ZNF804B: variants seen among roughly 807,000 people sequenced by gnomAD.
ZNF804B encodes zinc finger 804B.
A neutral mutation model predicts 101.4 loss-of-function variants in ZNF804B; 80 were observed. The ratio of observed to expected loss-of-function variants is 0.79; its 90% CI spans 0.66 to 0.95. The LOEUF (loss-of-function observed/expected upper bound fraction) is 0.95. ZNF804B is among the 40% of genes least tolerant of loss of function. The pLI is 0.00. For synonymous variants in ZNF804B, 622 were observed against 558.8 expected (o/e 1.11, Z -1.59); for missense variants, 1,673 against 1,561.9 (o/e 1.07, Z -1.20).
chr7:89,041,559 A>G (rs530625526), intron 1 of ZNF804B, among the ~76,000 whole-genome samples: 1 of 152,260 alleles, frequency 6.6e-6, no homozygotes, highest in Non-Finnish European at 1.5e-5. Context: ...GTCTTTAAGG[A>G]CTGGCCTGGC....
intron 1 of ZNF804B, among the ~76,000 whole-genome samples, chr7:89,099,087 C>T (rs1198290077): frequency 8.6e-6 from 1 of 116,532 alleles, no homozygotes; most frequent in Non-Finnish European, 1.6e-5. Flanking sequence ...AACATATATT[C>T]ACACACACAC....
chr7:89,319,984 A>G (rs1055445347), intron 2 of ZNF804B, among the ~76,000 whole-genome samples: 5 of 151,968 alleles, frequency 3.3e-5, no homozygotes, highest in African/African-American at 1.2e-4. Context: ...TTTGGCACAT[A>G]TAAGTCAAGA....
chr7:89,298,157 A>G (rs1401046143), intron 2 of ZNF804B, among the ~76,000 whole-genome samples: 3 of 135,374 alleles, frequency 2.2e-5, no homozygotes, highest in Non-Finnish European at 4.7e-5. Flanking sequence ...TATATAGTAT[A>G]TATATATATT....
chr7:89,153,429 GATAATA>G (rs58654760), intron 1 of ZNF804B, among the ~76,000 whole-genome samples: 1,469 of 145,514 alleles, frequency 0.01, 14 homozygotes, highest in South Asian at 0.033. Context: ...TGATGATGAT[GATAATA>G]ATAATAATAA....
intron 1 of ZNF804B, among the ~76,000 whole-genome samples, chr7:89,041,532 T>C (rs1342604363): frequency 6.6e-6 from 1 of 152,132 alleles, no homozygotes; most frequent in Non-Finnish European, 1.5e-5. Context: ...GCTCATGTGA[T>C]TGAGTCTGGA....
intron 1 of ZNF804B, among the ~76,000 whole-genome samples, chr7:88,953,636 G>T (rs1793257884): frequency 1.3e-5 from 2 of 151,586 alleles, no homozygotes; most frequent in Non-Finnish European, 1.5e-5. Flanking sequence ...ATGAATGTTG[G>T]ATAATAGAGC....
At chr7:89,279,793 G>A (rs1236224359) in intron 2 of ZNF804B, among the ~76,000 whole-genome samples, 2 of 151,972 alleles carry the variant, frequency 1.3e-5, no homozygotes, top group Admixed American at 1.3e-4. Flanking sequence ...TGTTCATCAA[G>A]GATATTGGTC....
chr7:89,105,467 G>C (rs558878632), intron 1 of ZNF804B, among the ~76,000 whole-genome samples: 1 of 152,046 alleles, frequency 6.6e-6, no homozygotes, highest in East Asian at 1.9e-4. Flanking sequence ...GGAATTTGAG[G>C]TTTTTTATTC....
chr7:88,959,445 G>T (rs1793359663), intron 1 of ZNF804B, among the ~76,000 whole-genome samples: 1 of 151,328 alleles, frequency 6.6e-6, no homozygotes, highest in South Asian at 2.1e-4. Context: ...ACACATAACT[G>T]CAGTCTTACT....
intron 1 of ZNF804B, among the ~76,000 whole-genome samples, chr7:89,069,061 A>G (rs545615969): frequency 3.4e-4 from 52 of 152,338 alleles, no homozygotes; most frequent in African/African-American, 1.2e-3. Context: ...TTTTATGTCA[A>G]TAAAATCAGT....
At chr7:89,207,599 G>A (rs10239765) in intron 1 of ZNF804B, among the ~76,000 whole-genome samples, 43,982 of 152,002 alleles carry the variant, frequency 0.29, 6,575 homozygotes, top group South Asian at 0.34. Flanking sequence ...TGATGAACCC[G>A]TATTTATACA....
intron 1 of ZNF804B, among the ~76,000 whole-genome samples, chr7:88,808,889 G>T (rs1035959157): frequency 2.0e-5 from 3 of 152,136 alleles, no homozygotes; most frequent in African/African-American, 4.8e-5. Context: ...GGCTCAAGGT[G>T]ACCCTTAGTC....
At chr7:89,277,172 A>T (rs1032943402) in intron 2 of ZNF804B, among the ~76,000 whole-genome samples, 1 of 149,218 alleles carries the variant, frequency 6.7e-6, no homozygotes, top group Non-Finnish European at 1.5e-5. Context: ...TTATATATAG[A>T]TACAAAATTT....
intron 1 of ZNF804B, among the ~76,000 whole-genome samples, chr7:88,920,390 G>A (rs1792703167): frequency 6.6e-6 from 1 of 151,926 alleles, no homozygotes; most frequent in South Asian, 2.1e-4. Context: ...TGAGTAAAAT[G>A]CATTGTACAA....
At chr7:88,812,334 G>A (rs946964648) in intron 1 of ZNF804B, among the ~76,000 whole-genome samples, 3 of 152,048 alleles carry the variant, frequency 2.0e-5, no homozygotes, top group South Asian at 2.1e-4. Flanking sequence ...CATCCATTAC[G>A]ATGGCTACTA....
chr7:89,031,199 A>T (rs56231963), intron 1 of ZNF804B, among the ~76,000 whole-genome samples: 1 of 149,652 alleles, frequency 6.7e-6, no homozygotes. Context: ...ATATATATAT[A>T]TGTGTGTGTG....
intron 1 of ZNF804B, among the ~76,000 whole-genome samples, chr7:89,085,297 T>C (rs1789781009): frequency 6.6e-6 from 1 of 152,002 alleles, no homozygotes; most frequent in African/African-American, 2.4e-5. Flanking sequence ...ATTGCCTTCC[T>C]AGTTTTATAG....
At chr7:88,909,895 A>G (rs1170712391) in intron 1 of ZNF804B, among the ~76,000 whole-genome samples, 1 of 151,720 alleles carries the variant, frequency 6.6e-6, no homozygotes, top group African/African-American at 2.4e-5. Flanking sequence ...TTTTACTCAC[A>G]TATTTCATAT....
intron 1 of ZNF804B, among the ~76,000 whole-genome samples, chr7:88,935,035 GTGTGTATATATATATACACACAC>G: frequency 6.6e-6 from 1 of 151,392 alleles, no homozygotes; most frequent in East Asian, 2.0e-4. Context: ...ATATGTGTGT[GTGTGTATATATATATACACACAC>G]ACATACACAC....
Sources: gnomAD v4.1 joint callset for allele counts (sites outside exome capture counted in the v4.1 genomes callset) on GRCh38, gnomAD v4.1.1 for gene constraint, MANE v1.5 for transcripts, NCBI Gene and HGNC (gene_info 2026-07-23, HGNC 2026-07-21) for gene names.